Variants in HLCS observed in about 807,000 individuals in gnomAD.
The protein encoded by HLCS is holocarboxylase synthetase.
HLCS carries 53 observed loss-of-function variants against 75.0 expected under a neutral mutation model. The ratio of observed to expected loss-of-function variants is 0.71; its 90% confidence interval spans 0.57 to 0.89. HLCS has a LOEUF of 0.89. Ranked by LOEUF, HLCS falls within the 40% of genes least tolerant of loss-of-function variation. The probability of loss-of-function intolerance (pLI) is 0.00; values close to 1 mark genes in which losing one functional copy is unlikely to be tolerated. For missense variants in HLCS, 966 were observed against 1,074.0 expected, an observed-to-expected ratio of 0.90 and a Z score of 1.41; for synonymous variants, 431 against 428.6, an observed-to-expected ratio of 1.01 and a Z score of -0.07.
chr21:36,797,974 G>A (rs2145906944), intron 6 of HLCS, among the ~76,000 whole-genome samples: 1 of 152,330 alleles, frequency 6.6e-6, no homozygotes, highest in South Asian at 2.1e-4. Context: ...ATATTGGGTT[G>A]TGGGGTTAGA....
At chr21:36,767,307 C>G in intron 6 of HLCS, 22 bp from the exon 7 acceptor site, 5 of 1,613,130 alleles carry the variant, frequency 3.1e-6, no homozygotes, top group Non-Finnish European at 3.4e-6. Flanking sequence ...GGGGAAAGAC[C>G]GGTTAGGCCA....
intron 6 of HLCS, among the ~76,000 whole-genome samples, chr21:36,804,498 G>A (rs1331206836): frequency 6.6e-6 from 1 of 152,166 alleles, no homozygotes; most frequent in Non-Finnish European, 1.5e-5. Context: ...GGTTGTCCCA[G>A]AATTACCCAC....
At chr21:36,968,215 C>T (rs1193250420), upstream of HLCS, among the ~76,000 whole-genome samples, 1 of 152,122 alleles carries the variant, frequency 6.6e-6, no homozygotes, top group African/African-American at 2.4e-5. Context: ...TCTCAAACTC[C>T]TGGTCTCGAG....
intron 5 of HLCS, among the ~76,000 whole-genome samples, chr21:36,906,330 C>A (rs1419331304): frequency 6.6e-6 from 1 of 151,896 alleles, no homozygotes; most frequent in Non-Finnish European, 1.5e-5. Flanking sequence ...GAATTTGACA[C>A]CAGCTTGGGC....
intron 6 of HLCS, among the ~76,000 whole-genome samples, chr21:36,828,159 G>T (rs1438846805): frequency 6.6e-6 from 1 of 152,138 alleles, no homozygotes; most frequent in Non-Finnish European, 1.5e-5. Context: ...CTGAGAACCA[G>T]GAGAAGGATA....
chr21:36,897,170 G>A, intron 5 of HLCS, 39 bp from the exon 6 acceptor site: 1 of 1,611,138 alleles, frequency 6.2e-7, no homozygotes, highest in Non-Finnish European at 8.5e-7. Flanking sequence ...TCGTAATTTG[G>A]CATTACATTA....
chr21:36,860,308 C>T (rs2063339729), intron 6 of HLCS, among the ~76,000 whole-genome samples: 1 of 136,688 alleles, frequency 7.3e-6, no homozygotes, highest in Non-Finnish European at 1.7e-5. Flanking sequence ...GGTGATCAGA[C>T]TCCAAAGCCA....
intron 6 of HLCS, among the ~76,000 whole-genome samples, chr21:36,857,728 C>A (rs8130235): frequency 0.062 from 9,458 of 152,226 alleles, 983 homozygotes; most frequent in African/African-American, 0.21. Flanking sequence ...ATCCTGTTTT[C>A]CCCATAAAAG....
Position 36,954,322 on chromosome 21 carries a change from T to G in HLCS, c.330+7714A>C, listed in dbSNP as rs537562556. Among the ~76,000 whole-genome samples, 73 of 146,596 alleles carry G rather than the reference T, an allele frequency of 5.0e-4. No homozygotes were observed. The South Asian group carries it at 0.013, about 25-fold the overall frequency. On this transcript the variant is annotated intron_variant, in intron 2 of 10. Coordinates refer to ENST00000674895, the MANE Select transcript of HLCS (RefSeq NM_001352514.2). ...ATCTCAAAAATAAAATAAAATAAAA[T>G]AAAAAGTATAGGCCAGGTGCAGTGG...
At chr21:36,930,220 C>T in intron 5 of HLCS, 31 bp downstream of exon 5, 2 of 1,593,698 alleles carry the variant, frequency 1.3e-6, no homozygotes, top group Non-Finnish European at 1.7e-6. Flanking sequence ...CACGTCACAG[C>T]GCGCTCTGCC....
At chr21:36,980,967 C>G (rs2069106076) in intron 1 of HLCS, 1 of 131,056 alleles carries the variant, frequency 7.6e-6, no homozygotes, top group African/African-American at 2.7e-5. Context: ...GCCAGCACGG[C>G]ATCCGCGGGG....
intron 8 of HLCS, among the ~76,000 whole-genome samples, chr21:36,760,673 G>A (rs371159885): frequency 1.1e-3 from 164 of 152,066 alleles, no homozygotes; most frequent in East Asian, 3.3e-3. Flanking sequence ...CGAAAGCCTC[G>A]CAGAACTGCT....
At chr21:36,801,282 G>A (rs1013991475) in intron 6 of HLCS, among the ~76,000 whole-genome samples, 11 of 152,124 alleles carry the variant, frequency 7.2e-5, no homozygotes, top group African/African-American at 2.2e-4. Context: ...GCAACTGACC[G>A]CTAGAAATTG....
At chr21:36,954,650 A>G (rs1249977614) in intron 2 of HLCS, among the ~76,000 whole-genome samples, 1 of 152,204 alleles carries the variant, frequency 6.6e-6, no homozygotes, top group Non-Finnish European at 1.5e-5. Flanking sequence ...AGACAATTAC[A>G]TACAGTACAC....
chr21:36,851,064 T>A (rs1414173328), intron 6 of HLCS, among the ~76,000 whole-genome samples: 1 of 152,160 alleles, frequency 6.6e-6, no homozygotes, highest in Non-Finnish European at 1.5e-5. Flanking sequence ...AAGCTTTTTG[T>A]ACCTCCCCTC....
intron 6 of HLCS, among the ~76,000 whole-genome samples, chr21:36,890,974 T>C (rs779211656): frequency 2.0e-5 from 3 of 152,220 alleles, no homozygotes; most frequent in Non-Finnish European, 2.9e-5. Context: ...TGTCTTCCAA[T>C]GTCTACCAAT....
chr21:36,875,250 CCTGGGCT>C (rs1473269513), intron 6 of HLCS, among the ~76,000 whole-genome samples: 2 of 152,174 alleles, frequency 1.3e-5, no homozygotes, highest in Non-Finnish European at 2.9e-5. Flanking sequence ...AAGCCTGAAG[CCTGGGCT>C]CCAGGCTGCC....
chr21:36,837,117 A>G (rs537652754), intron 6 of HLCS, among the ~76,000 whole-genome samples: 10 of 152,346 alleles, frequency 6.6e-5, no homozygotes, highest in African/African-American at 2.4e-4. Flanking sequence ...TGGGAGGCGG[A>G]GGTTGCAGTG....
At chr21:36,784,858 C>T (rs553041057) in intron 6 of HLCS, among the ~76,000 whole-genome samples, 5 of 152,166 alleles carry the variant, frequency 3.3e-5, no homozygotes, top group African/African-American at 9.6e-5. Context: ...CAGCTCTGTA[C>T]GTATTCTGCT....
Sources: gnomAD v4.1 joint callset for allele counts (sites outside exome capture counted in the v4.1 genomes callset) on GRCh38, gnomAD v4.1.1 for gene constraint, MANE v1.5 for transcripts, NCBI Gene and HGNC (gene_info 2026-07-23, HGNC 2026-07-21) for gene names.